The following MAST2 variants were observed in gnomAD, a reference collection of about 807,000 sequenced individuals.
MAST2 encodes microtubule associated serine/threonine kinase 2.
Under a neutral mutation model 147.4 loss-of-function variants are expected in MAST2, and 70 were observed. That is an observed-to-expected ratio of 0.47 (90% CI 0.39 to 0.58). The LOEUF is 0.58. Among genes scored for constraint, MAST2 ranks in the 20% least tolerant of loss-of-function variants. The pLI is 0.00. For synonymous variants in MAST2, 869 were observed against 896.8 expected (o/e 0.97, Z 0.55); for missense variants, 2,080 against 2,302.3 (o/e 0.90, Z 1.98).
chr1:45,933,604 A>T (rs1269143019), intron 4 of MAST2, among the ~76,000 whole-genome samples: 1 of 144,458 alleles, frequency 6.9e-6, no homozygotes, highest in Non-Finnish European at 1.5e-5. Context: ...AAAAAAAAAA[A>T]TTAGCTGGGC....
intron 9 of MAST2, among the ~76,000 whole-genome samples, chr1:46,009,488 C>T (rs1645627225): frequency 6.6e-6 from 1 of 152,208 alleles, no homozygotes; most frequent in Non-Finnish European, 1.5e-5. Flanking sequence ...TGCTTTCCAG[C>T]TTTGGAGTGG....
intron 3 of MAST2, among the ~76,000 whole-genome samples, chr1:45,870,997 A>G (rs1441892140): frequency 6.6e-6 from 1 of 151,552 alleles, no homozygotes; most frequent in Non-Finnish European, 1.5e-5. Context: ...TTTTCCAGAA[A>G]CCAACTATCC....
intron 5 of MAST2, among the ~76,000 whole-genome samples, chr1:45,977,343 C>T (rs900289361): frequency 1.3e-5 from 2 of 151,248 alleles, no homozygotes; most frequent in Admixed American, 1.3e-4. Context: ...CAAAAATTAG[C>T]CAGGCGTGCT....
rs1660082119 is a variant in MAST2, at chr1:45,959,380, T to C, written c.501-6T>C. 1 of 1,612,748 alleles carries C rather than the reference T, an allele frequency of 6.2e-7. No homozygotes were observed. Among genetic ancestry groups the C allele is most frequent in the Middle Eastern group, 1.7e-4 (1 of 6,054 alleles). ...TATTATAATTCATATTTTGTTTTCA[T>C]TGCAGTTGTCGGACAAGTAACCGCA... On this transcript the variant is annotated splice_polypyrimidine_tract_variant and splice_region_variant and intron_variant, in intron 4 of 28. Coordinates refer to ENST00000361297, the MANE Select transcript of MAST2 (RefSeq NM_015112.3).
intron 3 of MAST2, chr1:45,847,491 A>G (rs1207146965): frequency 1.7e-5 from 13 of 750,280 alleles, no homozygotes; most frequent in African/African-American, 1.3e-4. Flanking sequence ...TTCATTCTTC[A>G]ATTTTTCCTT....
intron 1 of MAST2, among the ~76,000 whole-genome samples, chr1:45,806,204 C>G (rs1181633726): frequency 1.3e-5 from 2 of 152,206 alleles, no homozygotes; most frequent in Non-Finnish European, 2.9e-5. Flanking sequence ...TGTAACCTCC[C>G]TCACCACCTC....
chr1:45,842,679 A>G (rs1367122251), intron 3 of MAST2, among the ~76,000 whole-genome samples: 2 of 152,176 alleles, frequency 1.3e-5, no homozygotes, highest in Admixed American at 1.3e-4. Flanking sequence ...TGTGTCCAAC[A>G]CAACTTTTTA....
chr1:45,867,435 T>G (rs138633246), intron 3 of MAST2, among the ~76,000 whole-genome samples: 1 of 152,314 alleles, frequency 6.6e-6, no homozygotes, highest in Admixed American at 6.5e-5. Context: ...GGTAGCAGAA[T>G]AGTAAATAGG....
chr1:46,035,181 A>C lies in MAST2; in HGVS notation c.4512A>C (p.Ser1504=), dbSNP rs1366115749. Residue 1504 remains serine, a synonymous_variant, in exon 29 of 29, where the codon TCA becomes TCC. Coordinates refer to ENST00000361297, the MANE Select transcript of MAST2 (RefSeq NM_015112.3). The surrounding 1 kb of genome is among the most constrained non-coding windows in gnomAD (Gnocchi z 5.5). ...AAGCCATTCGTGAGGTGGACTCCTC[A>C]GAGGACGACACCGAGGAAGGGCCTG... is the stretch of plus-strand genomic sequence containing the variant. ...KQEAIREVDS[S]EDDTEEGPEN... is the part of the protein sequence containing the mutation. The C allele has an allele frequency of 1.2e-6, 2 of 1,613,992 alleles. No homozygotes were observed. The highest frequency in any genetic ancestry group is 1.1e-5 in the South Asian group (1 of 91,082).
chr1:45,905,334 G>A (rs997909942), intron 4 of MAST2, among the ~76,000 whole-genome samples: 1 of 151,858 alleles, frequency 6.6e-6, no homozygotes, highest in Non-Finnish European at 1.5e-5. Context: ...ACAGGCATGC[G>A]CCACCGCATC....
intron 21 of MAST2, 103 bp from the exon 22 acceptor site, chr1:46,030,504 C>T (rs1199437835): frequency 1.3e-5 from 18 of 1,373,762 alleles, no homozygotes; most frequent in Non-Finnish European, 1.8e-5. Context: ...GGGATGGAAC[C>T]GACTGGTTCA....
Position 46,035,929 on chromosome 1 carries a change from A to G in MAST2, c.5260A>G (p.Arg1754Gly). Residue 1754 changes from arginine to glycine, a missense_variant, in exon 29 of 29, where the codon AGG becomes GGG. By Grantham distance (125) the Arg-to-Gly change is moderately radical (BLOSUM62 -2). Coordinates refer to ENST00000361297, the MANE Select transcript of MAST2 (RefSeq NM_015112.3). This position sits in a 1 kb window ranked among gnomAD's most constrained non-coding sequence, Gnocchi z 5.5. The part of the protein sequence containing the change: ...TQVPDASGDR[R>G]QDVPCRGCPL... ...AGTGCCTGATGCCTCAGGTGACAGA[A>G]GGCAGGACGTTCCATGCCGAGGCTG... The G allele has an allele frequency of 1.2e-6, 2 of 1,614,046 alleles. No individual in the cohort carries two copies. The highest frequency in any genetic ancestry group is 1.7e-6 in the Non-Finnish European group (2 of 1,180,014).
rs1176452344 is a variant in MAST2 at position 45,837,785 on chromosome 1, TA to T, written c.468+8205del. Among the ~76,000 whole-genome samples, 13 of 152,182 alleles carry T rather than the reference TA, an allele frequency of 8.5e-5. No individual in the cohort carries two copies. In the East Asian group the frequency reaches 9.6e-4, roughly 11 times the overall value. On this transcript the variant is annotated intron_variant, in intron 3 of 28. Coordinates refer to ENST00000361297, the MANE Select transcript of MAST2 (RefSeq NM_015112.3). Reference sequence around the variant, plus strand: ...CTTATCAGTACTAGGTATTATCATATATTTTTTTTTGAGATGGAGTTTCACT... The same window carrying T: ...CTTATCAGTACTAGGTATTATCATATTTTTTTTTTGAGATGGAGTTTCACT...
Position 46,030,186 on chromosome 1 carries a change from A to G in MAST2, c.2501A>G (p.Asp834Gly). Residue 834 changes from aspartate (D) to glycine (G), a missense_variant, in exon 21 of 29, where the codon GAT becomes GGT. Transcript: ENST00000361297. The part of the protein sequence containing the change: ...DSEDEEEVSE[D>G]GCLEIRQFSS... ...GAGGATGAGGAAGAAGTGAGTGAGGATGGCTGCCTTGAGATCCGCCAGTTC... is the reference window on the plus strand; with the variant it reads ...GAGGATGAGGAAGAAGTGAGTGAGGGTGGCTGCCTTGAGATCCGCCAGTTC... The G allele has an allele frequency of 6.2e-7, 1 of 1,614,210 alleles. No individual in the cohort carries two copies. The highest frequency in any genetic ancestry group is 1.3e-5 in the African/African-American group (1 of 75,060).
chr1:45,875,184 G>A (rs772191619), intron 3 of MAST2, among the ~76,000 whole-genome samples: 30 of 152,258 alleles, frequency 2.0e-4, no homozygotes, highest in Non-Finnish European at 3.8e-4. Flanking sequence ...GGTGGCTCAC[G>A]CCTGTAATCC....
intron 4 of MAST2, among the ~76,000 whole-genome samples, chr1:45,910,827 A>T (rs958950708): frequency 1.3e-5 from 2 of 152,210 alleles, no homozygotes; most frequent in African/African-American, 4.8e-5. Context: ...TGAAGTTTGC[A>T]GTTTCACAGC....
chr1:45,829,291 G>T, intron 2 of MAST2, 148 bp from the exon 3 acceptor site: 2 of 656,900 alleles, frequency 3.0e-6, no homozygotes, highest in Non-Finnish European at 2.3e-6. Flanking sequence ...ATGGATAGTT[G>T]GAAATTTTAA....
chr1:45,888,686 TTTTTTTTTTTTTTG>T, intron 4 of MAST2, among the ~76,000 whole-genome samples: 2 of 83,686 alleles, frequency 2.4e-5, no homozygotes, highest in Non-Finnish European at 4.6e-5. Flanking sequence ...TTTTTTTTTT[TTTTTTTTTTTTTTG>T]AGATGGAGTC....
rs1413828741 is a variant in MAST2 at position 45,826,892 on chromosome 1, G to A, written c.325+2312G>A. Among the ~76,000 whole-genome samples the A allele has an allele frequency of 2.6e-5, 4 of 151,968 alleles. 1 individual carries two copies. The highest frequency in any genetic ancestry group is 4.1e-4 in the South Asian group (2 of 4,820). On this transcript the variant is annotated intron_variant, in intron 2 of 28. Coordinates refer to ENST00000361297, the MANE Select transcript of MAST2 (RefSeq NM_015112.3). Reference sequence around the variant, plus strand: ...TCACCAGGCTGGAATGCAGTGGCGCGATCTCGGCTCACTGAAACCTCCGCC... The same window carrying A: ...TCACCAGGCTGGAATGCAGTGGCGCAATCTCGGCTCACTGAAACCTCCGCC...
Sources: gnomAD v4.1 joint callset for allele counts (sites outside exome capture counted in the v4.1 genomes callset) on GRCh38, gnomAD v4.1.1 for gene constraint, Gnocchi (gnomAD v3.1) non-coding constraint, MANE v1.5 for transcripts, NCBI Gene and HGNC (gene_info 2026-07-23, HGNC 2026-07-21) for gene names.